The following SASH1 variants were observed in gnomAD, a reference collection of about 807,000 sequenced individuals.
SASH1 encodes SAM and SH3 domain-containing protein 1.
In SASH1, 44 loss-of-function variants were observed where a neutral mutation model predicts 125.2. The observed-to-expected ratio is 0.35, with a 90% CI of 0.28 to 0.45. The LOEUF (loss-of-function observed/expected upper bound fraction) is 0.45, where lower values mean the gene tolerates loss of function less well. Ranked by LOEUF, SASH1 falls within the 20% of genes least tolerant of loss-of-function variation. The pLI, the probability that SASH1 is intolerant of heterozygous loss-of-function variation, is 1.00. For missense variants in SASH1, 1,426 were observed against 1,614.5 expected (o/e 0.88, Z 2.00); for synonymous variants, 639 against 649.1 (o/e 0.98, Z 0.24).
At chr6:148,534,123 T>C in intron 15 of SASH1, 143 bp downstream of exon 15, 2 of 657,698 alleles carry the variant, frequency 3.0e-6, no homozygotes, top group Non-Finnish European at 2.6e-6. Context: ...ATGATGAGCA[T>C]TCATTATTCT....
chr6:148,407,277 T>C (rs973508043), intron 2 of SASH1, among the ~76,000 whole-genome samples: 1 of 152,184 alleles, frequency 6.6e-6, no homozygotes, highest in African/African-American at 2.4e-5. Context: ...ATTCTACTTT[T>C]GTCTGTATGA....
upstream of SASH1, among the ~76,000 whole-genome samples, chr6:148,339,609 G>A (rs536203826): frequency 4.6e-5 from 7 of 151,938 alleles, no homozygotes; most frequent in East Asian, 1.4e-3. Context: ...CAGGCTGAGT[G>A]CAGTGGCTCA....
rs1010351858 is a variant in SASH1 at position 148,551,029 on chromosome 6, T to C, written c.*2471T>C. On this transcript the variant is annotated 3_prime_UTR_variant, in exon 20 of 20. Coordinates refer to ENST00000367467, the MANE Select transcript of SASH1 (RefSeq NM_015278.5). Reference sequence around the variant, plus strand: ...TTCTTTGGAAATCAATGCCTTTGCATAGAAAATCAAATTCAGGGACCACAA... The same window carrying C: ...TTCTTTGGAAATCAATGCCTTTGCACAGAAAATCAAATTCAGGGACCACAA... 6.5e-6 allele frequency: 1 copy of C among 152,682 alleles called. No individual in the cohort carries two copies. Among genetic ancestry groups the C allele is most frequent in the Admixed American group, 6.5e-5 (1 of 15,286 alleles). 9.5% of individuals were successfully genotyped at this position (152,682 alleles called of 1,614,324 possible).
At chr6:148,400,900 T>C (rs1784143327) in intron 2 of SASH1, among the ~76,000 whole-genome samples, 1 of 152,116 alleles carries the variant, frequency 6.6e-6, no homozygotes, top group South Asian at 2.1e-4. Flanking sequence ...GGTTTGGAAG[T>C]TTTAAGAATT....
chr6:148,471,548 C>T lies in SASH1; in HGVS notation c.514+45C>T. On this transcript the variant is annotated intron_variant, in intron 6 of 19. Coordinates refer to ENST00000367467, the MANE Select transcript of SASH1 (RefSeq NM_015278.5). The stretch of plus-strand genomic sequence containing the variant: ...GGACAGTAGGTCCTTTTAGCTCTAA[C>T]ATGGGAAGAATCCTATGCGGCTAAT... 1.7e-6 allele frequency: 2 copies of T among 1,152,224 alleles called. 1 individual carries two copies. The highest frequency in any genetic ancestry group is 2.6e-5 in the South Asian group (2 of 76,928). 71.4% of individuals were successfully genotyped at this position (1,152,224 alleles called of 1,614,324 possible).
intron 2 of SASH1, among the ~76,000 whole-genome samples, chr6:148,394,622 T>C (rs1020828851): frequency 1.3e-5 from 2 of 152,180 alleles, no homozygotes; most frequent in African/African-American, 4.8e-5. Flanking sequence ...TCTTTCTTTC[T>C]CTCTTTCTCT....
chr6:148,218,014 C>CAA, the SASH1 span, among the ~76,000 whole-genome samples: 673 of 138,164 alleles, frequency 4.9e-3, 3 homozygotes, highest in Admixed American at 8.7e-3. Flanking sequence ...GACTCTGTCT[C>CAA]AAAAAAAAAA....
At chr6:148,457,291 A>G (rs1015154275) in intron 4 of SASH1, among the ~76,000 whole-genome samples, 3 of 151,478 alleles carry the variant, frequency 2.0e-5, no homozygotes, top group Middle Eastern at 3.4e-3. Flanking sequence ...CTTAAATTGC[A>G]CTTTCAGTAC....
intron 1 of SASH1, among the ~76,000 whole-genome samples, chr6:148,317,023 T>C (rs1403756178): frequency 6.6e-6 from 1 of 152,194 alleles, no homozygotes; most frequent in Non-Finnish European, 1.5e-5. Context: ...TTGCACTCCA[T>C]TCTGAGTTAG....
intron 1 of SASH1, among the ~76,000 whole-genome samples, chr6:148,291,346 A>T (rs1021076570): frequency 6.6e-6 from 1 of 152,214 alleles, no homozygotes; most frequent in Non-Finnish European, 1.5e-5. Context: ...ATGTTCAATT[A>T]TTATGTGTCA....
At chr6:148,543,559 A>T in intron 17 of SASH1, 121 bp from the exon 18 acceptor site, 1 of 744,592 alleles carries the variant, frequency 1.3e-6, no homozygotes, top group Non-Finnish European at 2.1e-6. Flanking sequence ...TTATGTTTTT[A>T]GTGTAATTGA....
chr6:148,313,187 G>A (rs1298847810), intron 1 of SASH1, among the ~76,000 whole-genome samples: 1 of 152,200 alleles, frequency 6.6e-6, no homozygotes, highest in Non-Finnish European at 1.5e-5. Context: ...CTGACATGAT[G>A]TCCTGATTTG....
chr6:148,511,064 A>G (rs1199142742), intron 8 of SASH1, among the ~76,000 whole-genome samples: 1 of 152,186 alleles, frequency 6.6e-6, no homozygotes, highest in Non-Finnish European at 1.5e-5. Flanking sequence ...ATATACTTAA[A>G]AAGAGAAATA....
Position 148,527,467 on chromosome 6 carries a change from CTT to C in SASH1, c.1301_1302del (p.Phe434CysfsTer33). 6.3e-7 allele frequency: 1 copy of C among 1,599,520 alleles called. No homozygotes were observed. Among genetic ancestry groups the C allele is most frequent in the African/African-American group, 1.4e-5 (1 of 74,060 alleles). On this transcript the variant is annotated frameshift_variant, in exon 12 of 20. Coordinates refer to ENST00000367467, the MANE Select transcript of SASH1 (RefSeq NM_015278.5). LOFTEE classifies it high-confidence loss of function. ...NSDPMGKEGD[F>X]VYKEVIKSPT... ...TTGTTTTACAGGGTAAAGAAGGAGA[CTT>C]TGTGTACAAAGAAGTCATCAAATCA... is the stretch of plus-strand genomic sequence containing the variant.
At chr6:148,396,217 A>G (rs1783941520) in intron 2 of SASH1, among the ~76,000 whole-genome samples, 1 of 152,050 alleles carries the variant, frequency 6.6e-6, no homozygotes, top group Non-Finnish European at 1.5e-5. Flanking sequence ...AGTGGCTCAC[A>G]CCTGTAATCC....
At chr6:148,477,552 GTC>G (rs1778419280) in intron 7 of SASH1, among the ~76,000 whole-genome samples, 2 of 133,744 alleles carry the variant, frequency 1.5e-5, no homozygotes, top group Non-Finnish European at 3.2e-5. Flanking sequence ...GTGGGATGGA[GTC>G]TCACTCTGTC....
chr6:148,387,636 C>CCT (rs1562371376), intron 1 of SASH1, among the ~76,000 whole-genome samples: 2 of 37,914 alleles, frequency 5.3e-5, no homozygotes, highest in Non-Finnish European at 1.2e-4. Context: ...TTCTTTCTTT[C>CCT]TTTCTTTCTT....
intron 2 of SASH1, 71 bp downstream of exon 2, chr6:148,390,333 A>C (rs916232572): frequency 6.8e-7 from 1 of 1,472,384 alleles, no homozygotes; most frequent in Non-Finnish European, 9.3e-7. Context: ...CTTGGTCTTT[A>C]TCCCAGTGCT....
intron 1 of SASH1, among the ~76,000 whole-genome samples, chr6:148,389,502 T>C (rs1583069717): frequency 6.6e-6 from 1 of 152,248 alleles, no homozygotes; most frequent in Non-Finnish European, 1.5e-5. Flanking sequence ...TTAATGACCA[T>C]AATAATGAAT....
Sources: allele counts gnomAD v4.1 joint callset (sites outside exome capture counted in the v4.1 genomes callset), GRCh38; gene constraint gnomAD v4.1.1; transcripts MANE v1.5; gene names NCBI Gene and HGNC (gene_info 2026-07-23, HGNC 2026-07-21).